VWA3B: variants seen among roughly 807,000 people sequenced by gnomAD.
VWA3B encodes the protein von Willebrand factor A domain containing 3B.
VWA3B carries 138 observed loss-of-function variants against 158.3 expected under a neutral mutation model. The observed-to-expected ratio is 0.87, with a 90% CI of 0.76 to 1.00. VWA3B has a LOEUF of 1.00. VWA3B is among the 50% of genes least tolerant of loss of function. The probability of loss-of-function intolerance (pLI) is 0.00; values close to 1 mark genes in which losing one functional copy is unlikely to be tolerated. For synonymous variants in VWA3B, 596 were observed against 587.3 expected (o/e 1.01, Z -0.21); for missense variants, 1,555 against 1,565.1 (o/e 0.99, Z 0.11).
At chr2:98,129,335 GAGC>G (rs1170624412) in intron 6 of VWA3B, among the ~76,000 whole-genome samples, 3 of 151,538 alleles carry the variant, frequency 2.0e-5, no homozygotes, top group Non-Finnish European at 4.4e-5. Flanking sequence ...GAGAGAGAGA[GAGC>G]AGAGAGACGG....
intron 7 of VWA3B, among the ~76,000 whole-genome samples, chr2:98,156,689 A>G (rs1348848142): frequency 2.1e-5 from 3 of 143,270 alleles, no homozygotes; most frequent in African/African-American, 7.5e-5. Flanking sequence ...TTTTTTTGTA[A>G]ATTTGCTCTA....
chr2:98,184,946 G>A (rs1003475557), intron 9 of VWA3B, among the ~76,000 whole-genome samples: 1 of 152,198 alleles, frequency 6.6e-6, no homozygotes, highest in Non-Finnish European at 1.5e-5. Flanking sequence ...CTTCTCTCTT[G>A]CTTTCATTGG....
chr2:98,090,777 A>G (rs1472242846), intron 1 of VWA3B, among the ~76,000 whole-genome samples: 1 of 151,772 alleles, frequency 6.6e-6, no homozygotes, highest in Non-Finnish European at 1.5e-5. Context: ...CTCGCTAAAG[A>G]CAAGTTCTTG....
chr2:98,203,476 G>A (rs1008896231), intron 12 of VWA3B, among the ~76,000 whole-genome samples: 1 of 152,204 alleles, frequency 6.6e-6, no homozygotes, highest in African/African-American at 2.4e-5. Context: ...AAACCTTGCT[G>A]ACATTTGGAT....
chr2:98,104,181 CAATT>C (rs373982023), intron 2 of VWA3B, among the ~76,000 whole-genome samples: 1 of 151,978 alleles, frequency 6.6e-6, no homozygotes, highest in African/African-American at 2.4e-5. Flanking sequence ...TTAATTCAAC[CAATT>C]AATTAAATCA....
At chr2:98,296,028 G>A (rs1689782715) in intron 23 of VWA3B, among the ~76,000 whole-genome samples, 1 of 152,244 alleles carries the variant, frequency 6.6e-6, no homozygotes, top group Non-Finnish European at 1.5e-5. Context: ...GAACTAAAAA[G>A]AAGTCATCAT....
In VWA3B at chr2:98,245,605, T is replaced by C. The variant is rs886382576; in HGVS notation, c.2674-4713T>C. ...GGTTGAAATCCACAAAAGAGGGAAG[T>C]AGAACACTAAGCAGTGGGTTTTTCT... On this transcript the variant is annotated intron_variant, in intron 19 of 27. Coordinates refer to ENST00000477737, the MANE Select transcript of VWA3B (RefSeq NM_144992.5). 61 of 456,774 alleles carry C rather than the reference T, an allele frequency of 1.3e-4. 1 individual carries two copies. Among genetic ancestry groups the C allele is most frequent in the African/African-American group, 1.0e-3 (52 of 49,970 alleles). 28.3% of individuals were successfully genotyped at this position (456,774 alleles called of 1,614,324 possible).
chr2:98,164,127 T>C (rs1678878368), intron 8 of VWA3B, among the ~76,000 whole-genome samples: 1 of 152,182 alleles, frequency 6.6e-6, no homozygotes, highest in African/African-American at 2.4e-5. Flanking sequence ...CCATCTGACT[T>C]GCTCTCAGAT....
intron 25 of VWA3B, among the ~76,000 whole-genome samples, chr2:98,302,756 A>G (rs7589018): frequency 0.36 from 55,223 of 152,102 alleles, 11,007 homozygotes; most frequent in Non-Finnish European, 0.46. Flanking sequence ...CTAAACTACC[A>G]TGCCCGGCTG....
intron 21 of VWA3B, among the ~76,000 whole-genome samples, chr2:98,265,766 G>T (rs1687777975): frequency 6.7e-6 from 1 of 149,042 alleles, no homozygotes; most frequent in Non-Finnish European, 1.5e-5. Context: ...TCTCATTGTG[G>T]TTTTGATTTG....
intron 12 of VWA3B, among the ~76,000 whole-genome samples, chr2:98,203,658 T>A (rs1231742684): frequency 1.3e-5 from 2 of 152,260 alleles, no homozygotes; most frequent in Non-Finnish European, 2.9e-5. Context: ...AAGTATATAC[T>A]AAGTATTGTA....
Position 98,218,040 on chromosome 2 carries a change from G to A in VWA3B, c.2019+12G>A. The A allele has an allele frequency of 1.3e-6, 2 of 1,596,248 alleles. No individual in the cohort carries two copies. The highest frequency in any genetic ancestry group is 2.3e-5 in the East Asian group (1 of 44,358). ...CAGAGGCTGTTCAGGTAAGAGCTTGGTGGGCTAAGAAGGGAGTGTTCATTT... is the reference window on the plus strand; with the variant it reads ...CAGAGGCTGTTCAGGTAAGAGCTTGATGGGCTAAGAAGGGAGTGTTCATTT... On this transcript the variant is annotated intron_variant, in intron 14 of 27. Coordinates refer to ENST00000477737, the MANE Select transcript of VWA3B (RefSeq NM_144992.5).
chr2:98,300,745 C>T (rs1558776415), intron 25 of VWA3B, among the ~76,000 whole-genome samples: 1 of 152,134 alleles, frequency 6.6e-6, no homozygotes, highest in African/African-American at 2.4e-5. Context: ...CAACCCTGTG[C>T]TTCTAGCTGG....
chr2:98,139,032 G>C (rs566345995), intron 7 of VWA3B, among the ~76,000 whole-genome samples: 3 of 152,220 alleles, frequency 2.0e-5, no homozygotes, highest in Non-Finnish European at 4.4e-5. Context: ...CCGGGGCTGC[G>C]CGTGGAGCTT....
rs566402124 is a variant in VWA3B, at chr2:98,216,935, T to C, written c.1837-911T>C. The C allele has an allele frequency of 2.2e-5, 28 of 1,300,694 alleles. No homozygotes were observed. In the South Asian group the frequency reaches 3.5e-4, roughly 16 times the overall value. 80.6% of individuals were successfully genotyped at this position (1,300,694 alleles called of 1,614,324 possible). ...AGCTGTTTCCTTCATTCCATACAGCTGAAGACAGCATGAGTGGGAGAGACT... is the reference window on the plus strand; with the variant it reads ...AGCTGTTTCCTTCATTCCATACAGCCGAAGACAGCATGAGTGGGAGAGACT... On this transcript the variant is annotated intron_variant, in intron 13 of 27. Coordinates refer to ENST00000477737, the MANE Select transcript of VWA3B (RefSeq NM_144992.5).
intron 8 of VWA3B, among the ~76,000 whole-genome samples, chr2:98,163,549 A>G (rs1325683091): frequency 6.6e-6 from 1 of 152,120 alleles, no homozygotes; most frequent in Non-Finnish European, 1.5e-5. Context: ...AAACAACAAC[A>G]ACAACAACAA....
intron 27 of VWA3B, 51 bp downstream of exon 27, chr2:98,312,083 G>T: frequency 6.2e-7 from 1 of 1,602,482 alleles, no homozygotes; most frequent in African/African-American, 1.3e-5. Context: ...GGAACACCCT[G>T]AAATCCCTTT....
chr2:98,300,176 C>A lies in VWA3B; in HGVS notation c.3380C>A (p.Thr1127Lys), dbSNP rs781288503. Residue 1127 changes from threonine (T) to lysine (K), a missense_variant, in exon 25 of 28, where the codon ACA (threonine) becomes AAA (lysine). Transcript: ENST00000477737. ...GCACTTCCCAATAAGCATGTGGCCA[C>A]AGAAAAATTCTACACAGTTTTGAAG... ...VIALPNKHVATEKFYTVLKCN... is the reference protein window; with the variant it reads ...VIALPNKHVAKEKFYTVLKCN... The A allele has an allele frequency of 1.2e-6, 2 of 1,614,248 alleles. No individual in the cohort carries two copies. The highest frequency in any genetic ancestry group is 1.7e-6 in the Non-Finnish European group (2 of 1,180,052).
In VWA3B at chr2:98,211,966, A is replaced by C. The variant is rs201410741; in HGVS notation, c.1774A>C (p.Thr592Pro). 1 of 1,613,968 alleles carries C rather than the reference A, an allele frequency of 6.2e-7. No homozygotes were observed. The highest frequency in any genetic ancestry group is 1.7e-5 in the Admixed American group (1 of 59,994). The change falls in exon 13 of 28, where the codon ACT (threonine) becomes CCT (proline). Residue 592 changes from threonine to proline, a missense_variant. Thr to Pro is a conservative substitution (Grantham distance 38). Transcript: ENST00000477737. ...SSTNTLSALK[T>P]AFADKETQAI... ...CACAAACACCCTGAGTGCCCTGAAAACTGCTTTTGCTGATAAAGAAACACA... is the reference window on the plus strand; with the variant it reads ...CACAAACACCCTGAGTGCCCTGAAACCTGCTTTTGCTGATAAAGAAACACA...
Sources: gnomAD v4.1 joint callset for allele counts (sites outside exome capture counted in the v4.1 genomes callset) on GRCh38, gnomAD v4.1.1 for gene constraint, MANE v1.5 for transcripts, NCBI Gene and HGNC (gene_info 2026-07-23, HGNC 2026-07-21) for gene names.